The following YME1L1 variants were observed in gnomAD, a reference collection of about 807,000 sequenced individuals.
The protein encoded by YME1L1 is YME1 like 1 ATPase.
Under a neutral mutation model 90.4 loss-of-function variants are expected in YME1L1, and 39 were observed. The ratio of observed to expected loss-of-function variants is 0.43; its 90% CI spans 0.33 to 0.56. YME1L1 has a LOEUF of 0.56. YME1L1 is among the 20% of genes least tolerant of loss of function. The probability of loss-of-function intolerance (pLI) is 0.03; values close to 1 mark genes in which losing one functional copy is unlikely to be tolerated. For missense variants in YME1L1, 617 were observed against 868.4 expected (o/e 0.71, Z 3.64); for synonymous variants, 284 against 287.3 (o/e 0.99, Z 0.12).
At chr10:27,151,325 G>C (rs1564471236) in intron 1 of YME1L1, among the ~76,000 whole-genome samples, 2 of 152,218 alleles carry the variant, frequency 1.3e-5, no homozygotes, top group Non-Finnish European at 2.9e-5. Flanking sequence ...CAAAACTCAA[G>C]TTTGAGTTGA....
At chr10:27,133,090 T>C (rs777654599) in intron 7 of YME1L1, among the ~76,000 whole-genome samples, 15 of 152,206 alleles carry the variant, frequency 9.9e-5, no homozygotes, top group South Asian at 4.1e-4. Context: ...TTGAAACACA[T>C]TGCCTTAAAG....
rs190954569 is a variant in YME1L1, at chr10:27,131,707, C to G, written c.858+152G>C. The G allele has an allele frequency of 4.1e-5, 23 of 561,986 alleles. No homozygotes were observed. In the South Asian group the frequency reaches 5.5e-4, roughly 13 times the overall value. The allele number at this position is 561,986 out of a possible 1,614,324, so 34.8% of individuals were successfully genotyped here. On this transcript the variant is annotated intron_variant, in intron 8 of 18. Coordinates refer to ENST00000376016, the MANE Select transcript of YME1L1 (RefSeq NM_014263.4). ...CCATAAAGCAAGATTTGATCCTTGG[C>G]TATTATTATTTATCCCAAAATACTA...
intron 13 of YME1L1, 79 bp from the exon 14 acceptor site, chr10:27,119,528 A>G (rs1354700502): frequency 2.7e-6 from 4 of 1,475,774 alleles, no homozygotes; most frequent in East Asian, 2.4e-5. Flanking sequence ...TCACATTCCA[A>G]CTGGGTGCGT....
At chr10:27,153,851 A>G (rs566051698) in intron 1 of YME1L1, among the ~76,000 whole-genome samples, 1 of 152,274 alleles carries the variant, frequency 6.6e-6, no homozygotes, top group South Asian at 2.1e-4. Flanking sequence ...TGGTACAGAC[A>G]TTTTCCCACC....
intron 4 of YME1L1, among the ~76,000 whole-genome samples, chr10:27,141,639 CACACACACAG>C (rs1322890637): frequency 7.1e-6 from 1 of 140,974 alleles, no homozygotes; most frequent in Non-Finnish European, 1.5e-5. Flanking sequence ...CACACACACA[CACACACACAG>C]ACGTCTTATT....
In YME1L1 at chr10:27,117,925, A is replaced by G. The variant is rs10829188; in HGVS notation, c.1568-198T>C. On this transcript the variant is annotated intron_variant, in intron 14 of 18. Transcript: ENST00000376016. ...AATACAAATGAAAAAAATACATTAT[A>G]ACAACTATTTACAGAGCATTTATAT... Among the ~76,000 whole-genome samples, 72,831 of 152,062 alleles carry G rather than the reference A, an allele frequency of 0.48. 20,787 individuals are homozygous for G. Among genetic ancestry groups the G allele is most frequent in the Non-Finnish European group, 0.64 (43,400 of 67,950 alleles).
chr10:27,126,343 C>T (rs1006255157), intron 9 of YME1L1, among the ~76,000 whole-genome samples: 3 of 151,862 alleles, frequency 2.0e-5, no homozygotes, highest in Admixed American at 6.6e-5. Context: ...TTGGGAGGGC[C>T]GCCTGAACTC....
intron 7 of YME1L1, 24 bp from the exon 8 acceptor site, chr10:27,131,965 T>C: frequency 6.4e-7 from 1 of 1,569,524 alleles, no homozygotes; most frequent in Non-Finnish European, 8.7e-7. Context: ...AAGAAATGTT[T>C]ATATTTGATA....
chr10:27,149,402 G>C (rs2057183230), intron 1 of YME1L1, among the ~76,000 whole-genome samples: 1 of 152,068 alleles, frequency 6.6e-6, no homozygotes, highest in South Asian at 2.1e-4. Context: ...CAGCATTAGG[G>C]GAGCGGCAAA....
At chr10:27,138,300 T>G (rs1288929105) in intron 4 of YME1L1, among the ~76,000 whole-genome samples, 2 of 152,182 alleles carry the variant, frequency 1.3e-5, no homozygotes, top group Non-Finnish European at 2.9e-5. Context: ...TTAGTATTCT[T>G]TTAACATGTA....
chr10:27,120,336 T>G, intron 13 of YME1L1, 99 bp downstream of exon 13: 1 of 765,274 alleles, frequency 1.3e-6, no homozygotes. Flanking sequence ...AATGAACTGG[T>G]CTTTTAATGT....
At position 27,111,906 on chromosome 10, in the gene YME1L1, A is replaced by G. The variant is rs773714686; in HGVS notation, c.*71T>C. On this transcript the variant is annotated 3_prime_UTR_variant, in exon 19 of 19. Transcript: ENST00000376016. ...ATCAAGAATGAGGGGAAAGCGTTGT[A>G]AAAGTAGACTACTGCAATGCTACTT... is the stretch of plus-strand genomic sequence containing the variant. 6.8e-5 allele frequency: 107 copies of G among 1,568,918 alleles called. No individual in the cohort carries two copies. Among genetic ancestry groups the G allele is most frequent in the Non-Finnish European group, 8.8e-5 (101 of 1,141,430 alleles).
chr10:27,119,810 CA>C (rs202010048), intron 13 of YME1L1, among the ~76,000 whole-genome samples: 1 of 96,642 alleles, frequency 1.0e-5, no homozygotes, highest in Non-Finnish European at 2.1e-5. Context: ...ACTCTTGTCT[CA>C]AAAAAAAACC....
intron 2 of YME1L1, chr10:27,145,801 T>C (rs2057138411): frequency 2.8e-6 from 1 of 362,336 alleles, no homozygotes; most frequent in Admixed American, 4.3e-5. Context: ...TAAAAAATTA[T>C]ATTCCTAATG....
In YME1L1 at chr10:27,116,247, A is replaced by T; in HGVS notation, c.1818T>A (p.Leu606=). The T allele has an allele frequency of 6.2e-7, 1 of 1,614,198 alleles. No homozygotes were observed. Among genetic ancestry groups the T allele is most frequent in the Admixed American group, 1.7e-5 (1 of 60,020 alleles). Residue 606 remains leucine (L), a synonymous_variant, in exon 16 of 19, where the codon CTT becomes CTA. Coordinates refer to ENST00000376016, the MANE Select transcript of YME1L1 (RefSeq NM_014263.4). The part of the protein sequence containing the change: ...VSMGGRVAEE[L]IFGTDHITTG... ...TTGTAATATGGTCGGTTCCAAATAT[A>T]AGCTCCTCTGCCACTCTTCCTCCCA...
chr10:27,121,029 T>A (rs528797025), intron 12 of YME1L1, among the ~76,000 whole-genome samples: 1 of 152,336 alleles, frequency 6.6e-6, no homozygotes, highest in African/African-American at 2.4e-5. Context: ...TACATACAAC[T>A]TTTGTGACAT....
At chr10:27,127,423 G>A (rs145579089) in intron 8 of YME1L1, among the ~76,000 whole-genome samples, 102 of 152,180 alleles carry the variant, frequency 6.7e-4, no homozygotes, top group Middle Eastern at 3.4e-3. Context: ...TGTTCACCAA[G>A]AGACTTGTAT....
chr10:27,151,395 C>T (rs751729558), intron 1 of YME1L1, among the ~76,000 whole-genome samples: 15 of 152,186 alleles, frequency 9.9e-5, no homozygotes, highest in Non-Finnish European at 1.8e-4. Flanking sequence ...CTTTAAGAGG[C>T]ATTTAGTTCA....
chr10:27,134,007 A>G lies in YME1L1; in HGVS notation c.775+32T>C, dbSNP rs2057001455. ...GGAATCATGTATTTAAAGGAATAAG[A>G]AATAAGTTAGACAAATAAAAAAAGC... On this transcript the variant is annotated intron_variant, in intron 7 of 18. Coordinates refer to ENST00000376016, the MANE Select transcript of YME1L1 (RefSeq NM_014263.4). 4.1e-6 allele frequency: 6 copies of G among 1,447,240 alleles called. No homozygotes were observed. The South Asian group carries it at 4.8e-5, about 12-fold the overall frequency. The allele number at this position is 1,447,240 out of a possible 1,614,324, so 89.6% of individuals were successfully genotyped here.
Sources: gnomAD v4.1 joint callset for allele counts (sites outside exome capture counted in the v4.1 genomes callset) on GRCh38, gnomAD v4.1.1 for gene constraint, MANE v1.5 for transcripts, NCBI Gene and HGNC (gene_info 2026-07-23, HGNC 2026-07-21) for gene names.